The following PPAT variants were observed in gnomAD, a reference collection of about 807,000 sequenced individuals.
PPAT encodes the protein phosphoribosyl pyrophosphate amidotransferase.
Under a neutral mutation model 60.2 loss-of-function variants are expected in PPAT, and 20 were observed. The observed-to-expected ratio is 0.33, with a 90% confidence interval of 0.23 to 0.48. The LOEUF is 0.48. Among genes scored for constraint, PPAT ranks in the 20% least tolerant of loss-of-function variants. The pLI is 0.99. For missense variants in PPAT, 349 were observed against 629.6 expected (o/e 0.55, Z 4.77); for synonymous variants, 194 against 215.1 (o/e 0.90, Z 0.86).
Position 56,431,500 on chromosome 4 carries a change from A to G in PPAT, c.128+3850T>C, listed in dbSNP as rs1196999903. On this transcript the variant is annotated intron_variant, in intron 1 of 10. Coordinates refer to ENST00000264220, the MANE Select transcript of PPAT (RefSeq NM_002703.5). ...TTCCTCAAAGCGTAATAACAGAACC[A>G]AAAGATTCTACAGAATGTTTCTGCA... 5.0e-5 allele frequency: 49 copies of G among 980,476 alleles called. 1 individual carries two copies. The highest frequency in any genetic ancestry group is 2.7e-5 in the Non-Finnish European group (22 of 825,502). 60.7% of individuals were successfully genotyped at this position (980,476 alleles called of 1,614,324 possible).
intron 1 of PPAT, chr4:56,411,042 C>A: frequency 1.7e-6 from 1 of 574,662 alleles, no homozygotes; most frequent in Non-Finnish European, 2.2e-6. Flanking sequence ...GGAAAAATAA[C>A]CAATTTATTA....
intron 1 of PPAT, among the ~76,000 whole-genome samples, chr4:56,408,753 CAAAAAAAAA>C (rs35367469): frequency 7.5e-5 from 10 of 132,904 alleles, no homozygotes; most frequent in South Asian, 2.3e-4. Flanking sequence ...GATTCCGTTT[CAAAAAAAAA>C]AAAAAAAAAA....
At chr4:56,413,841 G>A (rs1364645570) in intron 1 of PPAT, among the ~76,000 whole-genome samples, 2 of 152,078 alleles carry the variant, frequency 1.3e-5, no homozygotes, top group African/African-American at 2.4e-5. Flanking sequence ...AAGTTGCAGT[G>A]AGCCAAGATC....
chr4:56,403,103 GATCTCGTACTGCATAAATAAC>G lies in PPAT; in HGVS notation c.577_597del (p.Val193_Asp199del). 6.2e-7 allele frequency: 1 copy of G among 1,612,760 alleles called. No individual in the cohort carries two copies. The highest frequency in any genetic ancestry group is 8.5e-7 in the Non-Finnish European group (1 of 1,178,936). On this transcript the variant is annotated inframe_deletion, in exon 5 of 11. Coordinates refer to ENST00000264220, the MANE Select transcript of PPAT (RefSeq NM_002703.5). ...ATGCATAAGGGACGATTTCCATAAG[GATCTCGTACTGCATAAATAAC>G]ATCTCTGTGCATTATAAGCAGGGAG...
chr4:56,410,700 A>C, intron 1 of PPAT: 1 of 986,624 alleles, frequency 1.0e-6, no homozygotes, highest in Non-Finnish European at 1.2e-6. Flanking sequence ...TGCTGGGCTA[A>C]GTACAAAAAT....
chr4:56,410,614 A>T, intron 1 of PPAT: 3 of 986,264 alleles, frequency 3.0e-6, no homozygotes, highest in Non-Finnish European at 3.6e-6. Context: ...TTTATGGAAC[A>T]CTAAGAAATA....
In PPAT at chr4:56,435,488, A is replaced by G. The variant is rs755787806; in HGVS notation, c.-11T>C. The G allele has an allele frequency of 6.2e-7, 1 of 1,613,198 alleles. No homozygotes were observed. Among genetic ancestry groups the G allele is most frequent in the South Asian group, 1.1e-5 (1 of 91,038 alleles). On this transcript the variant is annotated 5_prime_UTR_variant, in exon 1 of 11. Coordinates refer to ENST00000264220, the MANE Select transcript of PPAT (RefSeq NM_002703.5). ...CTCCTCCAGCTCCATGTCGCCGCCG[A>G]AAGCACGTGGAAGGACCTGCCGCTG...
intron 1 of PPAT, chr4:56,425,258 T>C (rs1210234233): frequency 6.5e-6 from 1 of 154,406 alleles, no homozygotes; most frequent in Admixed American, 6.5e-5. Context: ...AACACTTTTG[T>C]ATATTTTACA....
chr4:56,409,463 G>GA (rs11463760), intron 1 of PPAT, among the ~76,000 whole-genome samples: 51,602 of 151,734 alleles, frequency 0.34, 9,355 homozygotes, highest in Non-Finnish European at 0.41. Context: ...TTTGCTATTA[G>GA]AAAAAAAAAT....
chr4:56,410,492 A>T, intron 1 of PPAT: 1 of 983,918 alleles, frequency 1.0e-6, no homozygotes, highest in Non-Finnish European at 1.2e-6. Context: ...GGAAATAGTG[A>T]ATCATTTCCA....
intron 1 of PPAT, among the ~76,000 whole-genome samples, chr4:56,427,326 G>A (rs748782407): frequency 4.6e-5 from 7 of 152,076 alleles, no homozygotes; most frequent in Non-Finnish European, 7.4e-5. Flanking sequence ...GCATGTATAT[G>A]TTTTTATGTG....
intron 1 of PPAT, 75 bp downstream of exon 1, chr4:56,435,275 T>A (rs1372372975): frequency 1.3e-6 from 2 of 1,594,790 alleles, no homozygotes; most frequent in African/African-American, 1.3e-5. Flanking sequence ...CGGGCGCTCA[T>A]GAGAACGCCG....
At chr4:56,427,033 A>G (rs11728068) in intron 1 of PPAT, among the ~76,000 whole-genome samples, 51,702 of 152,086 alleles carry the variant, frequency 0.34, 9,391 homozygotes, top group Non-Finnish European at 0.41. Context: ...TTCACTTATA[A>G]TATCTTTAGG....
chr4:56,430,092 A>C (rs921128126), intron 1 of PPAT, among the ~76,000 whole-genome samples: 2 of 152,096 alleles, frequency 1.3e-5, no homozygotes, highest in Non-Finnish European at 2.9e-5. Context: ...GAAACCCCCC[A>C]TCTCAATATT....
Position 56,407,192 on chromosome 4 carries a change from A to G in PPAT, c.195+458T>C, listed in dbSNP as rs117443955. ...AATACATCCTAATTTGACAAATGTT[A>G]GGATATAAAGTTGAAAGTGGCTGAT... On this transcript the variant is annotated intron_variant, in intron 2 of 10. Coordinates refer to ENST00000264220, the MANE Select transcript of PPAT (RefSeq NM_002703.5). 1.0e-3 allele frequency among the ~76,000 whole-genome samples: 153 copies of G among 152,348 alleles called. 4 individuals carry two copies. The East Asian group carries it at 0.028, about 28-fold the overall frequency.
intron 1 of PPAT, among the ~76,000 whole-genome samples, chr4:56,415,618 G>C (rs1716689415): frequency 6.6e-6 from 1 of 152,020 alleles, no homozygotes; most frequent in South Asian, 2.1e-4. Flanking sequence ...AATTATATAA[G>C]ATACTTAAAA....
chr4:56,431,804 A>C (rs1276672227), intron 1 of PPAT, among the ~76,000 whole-genome samples: 1 of 152,240 alleles, frequency 6.6e-6, no homozygotes, highest in Admixed American at 6.5e-5. Flanking sequence ...TATTCTAAGA[A>C]GGGGTGTCTG....
At chr4:56,428,777 C>T (rs1717426157) in intron 1 of PPAT, among the ~76,000 whole-genome samples, 1 of 152,116 alleles carries the variant, frequency 6.6e-6, no homozygotes, top group Non-Finnish European at 1.5e-5. Flanking sequence ...AGAGTTTCAA[C>T]TTTTTTCTAA....
chr4:56,422,880 T>G (rs772015453), intron 1 of PPAT: 22 of 152,202 alleles, frequency 1.4e-4, no homozygotes, highest in Non-Finnish European at 2.6e-4. Flanking sequence ...AACTGAGAAC[T>G]TACTCAAAAT....
Sources: gnomAD v4.1 joint callset for allele counts (sites outside exome capture counted in the v4.1 genomes callset) on GRCh38, gnomAD v4.1.1 for gene constraint, MANE v1.5 for transcripts, NCBI Gene and HGNC (gene_info 2026-07-23, HGNC 2026-07-21) for gene names.